Variants in CNTLN observed in about 807,000 individuals in gnomAD.
The protein encoded by CNTLN is centlein, also known as centlein, centrosomal protein.
Under a neutral mutation model 180.0 loss-of-function variants are expected in CNTLN, and 212 were observed. The ratio of observed to expected loss-of-function variants is 1.18; its 90% CI spans 1.05 to 1.32. The LOEUF (loss-of-function observed/expected upper bound fraction) is 1.32, where lower values mean the gene tolerates loss of function less well. CNTLN is among the 40% of genes most tolerant of loss of function. CNTLN has a pLI of 0.00. For synonymous variants in CNTLN, 722 were observed against 563.1 expected (o/e 1.28, Z -3.99); for missense variants, 2,095 against 1,610.9 (o/e 1.30, Z -5.14).
intron 2 of CNTLN, among the ~76,000 whole-genome samples, chr9:17,215,868 C>T (rs1823715701): frequency 6.6e-6 from 1 of 152,170 alleles, no homozygotes; most frequent in South Asian, 2.1e-4. Flanking sequence ...GGGGTATAAT[C>T]TCCTGGTGTG....
rs575793749 is a variant in CNTLN, at chr9:17,394,985, C to T, written c.2531C>T (p.Thr844Ile). The change falls in exon 15 of 26, where the codon ACT becomes ATT. Residue 844 changes from threonine (T) to isoleucine (I), a missense_variant. By Grantham distance (89) the Thr-to-Ile change is moderately conservative. Coordinates refer to ENST00000380647, the MANE Select transcript of CNTLN (RefSeq NM_017738.4). The stretch of plus-strand genomic sequence containing the variant: ...AATTGCTCTGTGGGTCGTCACCACA[C>T]TGTTCTCAATCATTCCATCAAGGTT... The part of the protein sequence containing the change: ...KKNCSVGRHH[T>I]VLNHSIKVMS... 1 of 1,613,764 alleles carries T rather than the reference C, an allele frequency of 6.2e-7. No homozygotes were observed. The highest frequency in any genetic ancestry group is 2.2e-5 in the East Asian group (1 of 44,864).
chr9:17,363,043 T>C (rs1236171336), intron 12 of CNTLN, among the ~76,000 whole-genome samples: 1 of 152,220 alleles, frequency 6.6e-6, no homozygotes, highest in East Asian at 1.9e-4. Context: ...GCTTCATCCA[T>C]GTCCCTGCAA....
chr9:17,195,148 A>G (rs1401809555), intron 2 of CNTLN, among the ~76,000 whole-genome samples: 3 of 152,232 alleles, frequency 2.0e-5, no homozygotes, highest in Admixed American at 1.3e-4. Context: ...AGATAAAGTA[A>G]TATGTTACTT....
At chr9:17,253,750 T>A (rs1826295759) in intron 5 of CNTLN, among the ~76,000 whole-genome samples, 1 of 138,138 alleles carries the variant, frequency 7.2e-6, no homozygotes, top group Non-Finnish European at 1.5e-5. Flanking sequence ...AAACTGGATG[T>A]CTTTTCTATT....
intron 6 of CNTLN, among the ~76,000 whole-genome samples, chr9:17,292,781 C>T (rs942234311): frequency 3.3e-5 from 5 of 152,100 alleles, no homozygotes; most frequent in African/African-American, 9.7e-5. Context: ...TTGTTACCCA[C>T]CTTCTGAGGC....
At chr9:17,172,062 T>C (rs978356390) in intron 2 of CNTLN, among the ~76,000 whole-genome samples, 1 of 152,094 alleles carries the variant, frequency 6.6e-6, no homozygotes, top group Non-Finnish European at 1.5e-5. Context: ...TGCAGGTGAA[T>C]AGTGCAGCTG....
rs762582230 is a variant in CNTLN at position 17,330,613 on chromosome 9, A to G, written c.1342-19A>G. On this transcript the variant is annotated intron_variant, in intron 8 of 25. Transcript: ENST00000380647. The stretch of plus-strand genomic sequence containing the variant: ...ATACAAACATAGATATCTATTTACA[A>G]TTATACTTTTTAAAATAGGTACCTC... 2.2e-5 allele frequency: 31 copies of G among 1,420,816 alleles called. No individual in the cohort carries two copies. Among genetic ancestry groups the G allele is most frequent in the South Asian group, 5.4e-5 (4 of 74,134 alleles). 88.0% of individuals were successfully genotyped at this position (1,420,816 alleles called of 1,614,324 possible).
At chr9:17,519,599 G>A in the CNTLN span, among the ~76,000 whole-genome samples, 1 of 152,258 alleles carries the variant, frequency 6.6e-6, no homozygotes, top group Non-Finnish European at 1.5e-5. Context: ...CCAGGACTGA[G>A]GGCTCAAAGC....
At chr9:17,449,191 A>G (rs1015772317) in intron 18 of CNTLN, among the ~76,000 whole-genome samples, 1 of 152,150 alleles carries the variant, frequency 6.6e-6, no homozygotes, top group Non-Finnish European at 1.5e-5. Flanking sequence ...CTGTCCCAGT[A>G]TTTAGTACCT....
rs942588484 is a variant in CNTLN at position 17,503,613 on chromosome 9, G to A, written c.*961G>A. On this transcript the variant is annotated 3_prime_UTR_variant, in exon 26 of 26. Transcript: ENST00000380647. ...CCGGTCCCTCAGAGACACATTCTCT[G>A]ACCAGCTTACTATTTTATTTCCTCA... 1.3e-5 allele frequency: 2 copies of A among 152,376 alleles called. No homozygotes were observed. Among genetic ancestry groups the A allele is most frequent in the African/African-American group, 4.8e-5 (2 of 41,426 alleles). 9.4% of individuals were successfully genotyped at this position (152,376 alleles called of 1,614,324 possible).
intron 7 of CNTLN, among the ~76,000 whole-genome samples, chr9:17,307,605 T>G (rs1164969191): frequency 6.6e-6 from 1 of 151,956 alleles, no homozygotes. Flanking sequence ...AGATAAAAGG[T>G]ATATTGAGCT....
intron 12 of CNTLN, among the ~76,000 whole-genome samples, chr9:17,349,422 G>C (rs907354246): frequency 7.2e-5 from 11 of 152,054 alleles, no homozygotes; most frequent in African/African-American, 1.7e-4. Flanking sequence ...TACAAAAAAA[G>C]ATATACTATT....
At chr9:17,485,149 A>C (rs1017265365) in intron 24 of CNTLN, among the ~76,000 whole-genome samples, 5 of 152,134 alleles carry the variant, frequency 3.3e-5, no homozygotes, top group Non-Finnish European at 7.4e-5. Flanking sequence ...GCTCATTCCT[A>C]TCCTACTATG....
chr9:17,384,039 G>A (rs1463763650), intron 13 of CNTLN, among the ~76,000 whole-genome samples: 1 of 152,032 alleles, frequency 6.6e-6, no homozygotes, highest in Non-Finnish European at 1.5e-5. Context: ...ATATAATGAA[G>A]CACTTGGAAG....
intron 6 of CNTLN, among the ~76,000 whole-genome samples, chr9:17,291,347 G>A (rs535977285): frequency 9.9e-5 from 15 of 152,218 alleles, no homozygotes; most frequent in South Asian, 6.2e-4. Context: ...CTTAGTTCAT[G>A]TCCTGAATAT....
At chr9:17,512,581 A>C in the CNTLN span, among the ~76,000 whole-genome samples, 1 of 152,238 alleles carries the variant, frequency 6.6e-6, no homozygotes, top group African/African-American at 2.4e-5. Context: ...GAAGAGCAGC[A>C]AACCCCAGCG....
At chr9:17,524,548 A>G in the CNTLN span, among the ~76,000 whole-genome samples, 1 of 152,246 alleles carries the variant, frequency 6.6e-6, no homozygotes, top group African/African-American at 2.4e-5. Flanking sequence ...CACACCCAGA[A>G]TAATGTTTGA....
Position 17,394,888 on chromosome 9 carries a change from A to G in CNTLN, c.2434A>G (p.Met812Val), listed in dbSNP as rs565204572. ...CAGAGCTAAATCCGAGATGGCCACC[A>G]TGAAAGTGAGATCTGGACGATATGA... ...ADRAKSEMAT[M>V]KVRSGRYDCK... The change falls in exon 15 of 26, where the codon ATG becomes GTG. Residue 812 changes from methionine (M) to valine (V), a missense_variant. Transcript: ENST00000380647. 4 of 1,614,122 alleles carry G rather than the reference A, an allele frequency of 2.5e-6. No individual in the cohort carries two copies. In the African/African-American group the frequency reaches 4.0e-5, roughly 16 times the overall value.
At chr9:17,153,231 T>G (rs1173640518) in intron 2 of CNTLN, among the ~76,000 whole-genome samples, 2 of 152,232 alleles carry the variant, frequency 1.3e-5, no homozygotes, top group Non-Finnish European at 2.9e-5. Flanking sequence ...CATTAGTTAA[T>G]GCAGTTTCTT....
Sources: allele counts gnomAD v4.1 joint callset (sites outside exome capture counted in the v4.1 genomes callset), GRCh38; gene constraint gnomAD v4.1.1; transcripts MANE v1.5; gene names NCBI Gene and HGNC (gene_info 2026-07-23, HGNC 2026-07-21).